MTHFSD: variants seen among roughly 807,000 people sequenced by gnomAD.
MTHFSD encodes methenyltetrahydrofolate synthetase domain containing.
Under a neutral mutation model 31.1 loss-of-function variants are expected in MTHFSD, and 37 were observed. The ratio of observed to expected loss-of-function variants is 1.19; its 90% CI spans 0.91 to 1.56. MTHFSD has a LOEUF of 1.56. Ranked by LOEUF, MTHFSD falls within the 40% of genes most tolerant of loss-of-function variation. The pLI is 0.00. For synonymous variants in MTHFSD, 221 were observed against 206.9 expected (o/e 1.07, Z -0.59); for missense variants, 664 against 510.1 (o/e 1.30, Z -2.91).
chr16:86,555,078 T>C lies in MTHFSD; in HGVS notation c.16+91A>G. On this transcript the variant is annotated intron_variant, in intron 1 of 7. Transcript: ENST00000360900. ...CTTCCGGTGATTCTGCCCCATCCTC[T>C]GCCAGCCCCGGTGGCCCCGCCTCGA... 5 of 1,507,410 alleles carry C rather than the reference T, an allele frequency of 3.3e-6. No individual in the cohort carries two copies. In the Middle Eastern group the frequency reaches 5.2e-4, roughly 156 times the overall value. The allele number at this position is 1,507,410 out of a possible 1,614,324, so 93.4% of individuals were successfully genotyped here.
intron 5 of MTHFSD, among the ~76,000 whole-genome samples, chr16:86,545,422 TA>T (rs1301613504): frequency 6.6e-6 from 1 of 152,168 alleles, no homozygotes; most frequent in Non-Finnish European, 1.5e-5. Flanking sequence ...CTTTCTTCTT[TA>T]TACATCCCTG....
intron 5 of MTHFSD, among the ~76,000 whole-genome samples, chr16:86,543,520 TG>T (rs1971825730): frequency 6.6e-6 from 1 of 150,976 alleles, no homozygotes; most frequent in African/African-American, 2.4e-5. Flanking sequence ...TCGGCGGGGG[TG>T]GGCTTCAGTT....
rs141744238 is a variant in MTHFSD, at chr16:86,546,847, T to C, written c.352-198A>G. Reference sequence around the variant, plus strand: ...TTAGGGCACAGTTTCCCCAGTCTCTTTCCCAGAAAGGCGGCCAAGAGGAAC... The same window carrying C: ...TTAGGGCACAGTTTCCCCAGTCTCTCTCCCAGAAAGGCGGCCAAGAGGAAC... On this transcript the variant is annotated intron_variant, in intron 4 of 7. Coordinates refer to ENST00000360900, the MANE Select transcript of MTHFSD (RefSeq NM_001159377.2). 2.6e-4 allele frequency among the ~76,000 whole-genome samples: 40 copies of C among 152,284 alleles called. No individual in the cohort carries two copies. In the East Asian group the frequency reaches 7.7e-3, roughly 29 times the overall value.
intron 4 of MTHFSD, chr16:86,547,252 T>C (rs761591863): frequency 1.4e-5 from 14 of 986,020 alleles, no homozygotes; most frequent in Non-Finnish European, 1.7e-5. Flanking sequence ...GTCCCAAAAG[T>C]GTACCGCTTT....
chr16:86,532,574 G>A (rs187781515), intron 7 of MTHFSD, 93 bp from the exon 8 acceptor site: 5 of 1,050,060 alleles, frequency 4.8e-6, no homozygotes, highest in Non-Finnish European at 6.4e-6. Context: ...TGGCTGTGCT[G>A]CACACGTGGA....
chr16:86,536,309 C>T (rs774827372), intron 7 of MTHFSD, among the ~76,000 whole-genome samples: 1 of 152,222 alleles, frequency 6.6e-6, no homozygotes, highest in Non-Finnish European at 1.5e-5. Context: ...TAGGTATGCT[C>T]AGAGGAGAGC....
chr16:86,541,619 C>T (rs1485775243), intron 7 of MTHFSD, 78 bp downstream of exon 7: 1 of 1,550,650 alleles, frequency 6.4e-7, no homozygotes, highest in Admixed American at 1.9e-5. Context: ...GCCAACAGCT[C>T]CCATGCCAGA....
At chr16:86,537,854 TG>T (rs1428267608) in intron 7 of MTHFSD, among the ~76,000 whole-genome samples, 1 of 152,236 alleles carries the variant, frequency 6.6e-6, no homozygotes, top group African/African-American at 2.4e-5. Context: ...AGCGTGGCTC[TG>T]GAAGAATCCA....
chr16:86,539,653 T>C (rs1452581308), intron 7 of MTHFSD, among the ~76,000 whole-genome samples: 1 of 152,214 alleles, frequency 6.6e-6, no homozygotes, highest in Non-Finnish European at 1.5e-5. Flanking sequence ...GCCCACCGGA[T>C]GTTGATGGTC....
intron 7 of MTHFSD, 49 bp from the exon 8 acceptor site, chr16:86,532,530 C>A: frequency 7.4e-7 from 1 of 1,344,894 alleles, no homozygotes; most frequent in East Asian, 2.8e-5. Flanking sequence ...ATCGCAGGGG[C>A]ACCTGCCACA....
intron 7 of MTHFSD, among the ~76,000 whole-genome samples, chr16:86,538,318 C>T (rs1971000119): frequency 6.6e-6 from 1 of 152,192 alleles, no homozygotes; most frequent in African/African-American, 2.4e-5. Flanking sequence ...ACAGAGCTTC[C>T]AGGGTGGCGG....
At chr16:86,555,023 A>T in intron 1 of MTHFSD, 146 bp downstream of exon 1, 1 of 1,434,338 alleles carries the variant, frequency 7.0e-7, no homozygotes, top group Non-Finnish European at 9.2e-7. Context: ...ACCCGAACCC[A>T]GCACAGACCC....
chr16:86,535,048 T>C (rs1196114524), intron 7 of MTHFSD, among the ~76,000 whole-genome samples: 1 of 152,222 alleles, frequency 6.6e-6, no homozygotes, highest in Non-Finnish European at 1.5e-5. Context: ...TTTTGAAACA[T>C]GCCGTGGGAA....
At chr16:86,538,036 G>T (rs1249712164) in intron 7 of MTHFSD, among the ~76,000 whole-genome samples, 2 of 152,198 alleles carry the variant, frequency 1.3e-5, no homozygotes, top group African/African-American at 2.4e-5. Context: ...CTGGGCAAAG[G>T]CCAAAAGGCC....
At chr16:86,541,075 A>G (rs1472363454) in intron 7 of MTHFSD, 7 of 1,252,392 alleles carry the variant, frequency 5.6e-6, no homozygotes, top group African/African-American at 3.1e-5. Context: ...GTCCACACGA[A>G]GCACAAATGT....
chr16:86,554,955 T>A (rs1269869628), intron 1 of MTHFSD: 6 of 1,237,306 alleles, frequency 4.8e-6, no homozygotes, highest in Admixed American at 5.9e-5. Context: ...GTCTTCTCGT[T>A]ATCTTTATTT....
chr16:86,554,619 T>C lies in MTHFSD; in HGVS notation c.123+26A>G, dbSNP rs904760176. ...ATTTAAGAATATTTTGTTTTCCTTTTCTGGACTCCAGAAATATGTCAGTAC... is the reference window on the plus strand; with the variant it reads ...ATTTAAGAATATTTTGTTTTCCTTTCCTGGACTCCAGAAATATGTCAGTAC... On this transcript the variant is annotated intron_variant, in intron 2 of 7. Coordinates refer to ENST00000360900, the MANE Select transcript of MTHFSD (RefSeq NM_001159377.2). 21 of 1,545,982 alleles carry C rather than the reference T, an allele frequency of 1.4e-5. 1 individual carries two copies. The Middle Eastern group carries it at 6.7e-4, about 50-fold the overall frequency.
chr16:86,545,466 G>C (rs138433440), intron 5 of MTHFSD, among the ~76,000 whole-genome samples: 218 of 152,166 alleles, frequency 1.4e-3, no homozygotes, highest in African/African-American at 5.0e-3. Context: ...GGGGACCTTT[G>C]CTGATTTCCC....
At chr16:86,550,206 A>G (rs1303549252) in intron 3 of MTHFSD, among the ~76,000 whole-genome samples, 4 of 152,220 alleles carry the variant, frequency 2.6e-5, no homozygotes, top group Admixed American at 2.0e-4. Flanking sequence ...AAAGTTTCCA[A>G]AAACCACTGA....
Sources: allele counts gnomAD v4.1 joint callset (sites outside exome capture counted in the v4.1 genomes callset), GRCh38; gene constraint gnomAD v4.1.1; transcripts MANE v1.5; gene names NCBI Gene and HGNC (gene_info 2026-07-23, HGNC 2026-07-21).